NRXN3: variants seen among roughly 807,000 people sequenced by gnomAD.
NRXN3 encodes neurexin 3.
In NRXN3, 32 loss-of-function variants were observed where a neutral mutation model predicts 137.6. The ratio of observed to expected loss-of-function variants is 0.23; its 90% CI spans 0.18 to 0.31. NRXN3 has a LOEUF of 0.31. Ranked by LOEUF, NRXN3 falls within the 10% of genes least tolerant of loss-of-function variation. The pLI is 1.00. For missense variants in NRXN3, 1,574 were observed against 2,062.5 expected, an observed-to-expected ratio of 0.76 and a Z score of 4.59; for synonymous variants, 798 against 784.5, an observed-to-expected ratio of 1.02 and a Z score of -0.29.
In NRXN3 at chr14:78,264,192, C is replaced by T. The variant is rs115312730; in HGVS notation, c.710-14453C>T. Among the ~76,000 whole-genome samples the T allele has an allele frequency of 4.4e-3, 668 of 152,246 alleles. 6 individuals are homozygous for T. The highest frequency in any genetic ancestry group is 0.015 in the African/African-American group (616 of 41,548). ...GGTCACTATAGAATCTACAGCCCCT[C>T]TTGTTCAGTGAGGGGCAGAGTAAGG... On this transcript the variant is annotated intron_variant, in intron 2 of 20. Transcript: ENST00000335750.
chr14:79,560,192 A>G (rs552604139), intron 16 of NRXN3, among the ~76,000 whole-genome samples: 1 of 152,142 alleles, frequency 6.6e-6, no homozygotes, highest in African/African-American at 2.4e-5. Flanking sequence ...ATGCCTTTTC[A>G]TGTGAAAATT....
intron 15 of NRXN3, among the ~76,000 whole-genome samples, chr14:79,058,663 C>G (rs572863790): frequency 4.3e-4 from 66 of 152,112 alleles, no homozygotes; most frequent in Admixed American, 5.2e-4. Context: ...TGGTTTAACT[C>G]TGTGTCCCCA....
chr14:78,215,788 A>C (rs2063212156), intron 1 of NRXN3, among the ~76,000 whole-genome samples: 1 of 146,182 alleles, frequency 6.8e-6, no homozygotes, highest in African/African-American at 2.5e-5. Flanking sequence ...GGCAGGGGTT[A>C]GTTTGTGCAC....
chr14:78,716,081 C>A (rs1316483279), intron 8 of NRXN3, among the ~76,000 whole-genome samples: 1 of 151,948 alleles, frequency 6.6e-6, no homozygotes, highest in Non-Finnish European at 1.5e-5. Flanking sequence ...GAGAGGGGAC[C>A]AAAGAGATGA....
intron 6 of NRXN3, among the ~76,000 whole-genome samples, chr14:78,675,183 G>T (rs976041231): frequency 7.2e-5 from 11 of 152,092 alleles, no homozygotes; most frequent in African/African-American, 2.7e-4. Flanking sequence ...GGCAGAATTG[G>T]GAGGCTTTTT....
chr14:78,521,379 C>T (rs956232042), intron 4 of NRXN3, among the ~76,000 whole-genome samples: 2 of 152,146 alleles, frequency 1.3e-5, no homozygotes, highest in South Asian at 2.1e-4. Context: ...ACATTTAATG[C>T]GGGCCATTTA....
intron 15 of NRXN3, among the ~76,000 whole-genome samples, chr14:79,322,401 A>T (rs971752990): frequency 6.6e-6 from 1 of 152,190 alleles, no homozygotes; most frequent in African/African-American, 2.4e-5. Flanking sequence ...AGATCCAAAA[A>T]GTTTTTAATG....
chr14:78,199,452 A>G (rs1489705165), intron 1 of NRXN3, among the ~76,000 whole-genome samples: 1 of 152,206 alleles, frequency 6.6e-6, no homozygotes, highest in Non-Finnish European at 1.5e-5. Flanking sequence ...TCTGCCAAGT[A>G]TTACATACAC....
rs2085947640 is a variant in NRXN3, at chr14:78,366,421, A to G, written c.757+68561A>G. On this transcript the variant is annotated intron_variant, in intron 4 of 20. Transcript: ENST00000335750. ...CATTTAATAAAAAATTTGTGTTTAA[A>G]ATTAGTGCCCATCTGCTGAAAATAT... Among the ~76,000 whole-genome samples, 3 of 152,296 alleles carry G rather than the reference A, an allele frequency of 2.0e-5. No homozygotes were observed. In the South Asian group the frequency reaches 6.2e-4, roughly 32 times the overall value.
chr14:79,840,947 T>C (rs2293836), intron 20 of NRXN3, among the ~76,000 whole-genome samples: 19,607 of 152,174 alleles, frequency 0.13, 1,375 homozygotes, highest in Middle Eastern at 0.2. Context: ...CCCATATTCA[T>C]TGAGCTTTTG....
At chr14:78,700,727 C>T (rs548940866) in intron 6 of NRXN3, among the ~76,000 whole-genome samples, 2 of 152,116 alleles carry the variant, frequency 1.3e-5, no homozygotes, top group Admixed American at 1.3e-4. Flanking sequence ...ATAGACTGAG[C>T]CTTTATAGTA....
intron 4 of NRXN3, among the ~76,000 whole-genome samples, chr14:78,618,788 A>G (rs1415329396): frequency 2.0e-5 from 3 of 152,246 alleles, no homozygotes; most frequent in Non-Finnish European, 4.4e-5. Context: ...ATACCCTGTT[A>G]GTTGCAGCCA....
At chr14:79,303,104 T>C (rs1293431292) in intron 15 of NRXN3, among the ~76,000 whole-genome samples, 1 of 152,030 alleles carries the variant, frequency 6.6e-6, no homozygotes, top group Non-Finnish European at 1.5e-5. Flanking sequence ...AATGTAGGAA[T>C]CCAAACCCCC....
chr14:78,504,252 C>T (rs937478332), intron 4 of NRXN3, among the ~76,000 whole-genome samples: 2 of 152,092 alleles, frequency 1.3e-5, no homozygotes, highest in Non-Finnish European at 2.9e-5. Flanking sequence ...AGGGTGCTTG[C>T]AAAGACAGCA....
chr14:78,477,187 T>A (rs2095394691), intron 4 of NRXN3, among the ~76,000 whole-genome samples: 1 of 152,340 alleles, frequency 6.6e-6, no homozygotes, highest in African/African-American at 2.4e-5. Context: ...CCATTGCTTT[T>A]TCTGTGCTGT....
At chr14:78,318,166 G>T (rs1329848495) in intron 4 of NRXN3, among the ~76,000 whole-genome samples, 2 of 152,208 alleles carry the variant, frequency 1.3e-5, no homozygotes, top group Non-Finnish European at 2.9e-5. Flanking sequence ...GAGGGAGCTT[G>T]TGTGCCAGCA....
intron 20 of NRXN3, among the ~76,000 whole-genome samples, chr14:79,855,744 CATT>C (rs924297265): frequency 7.9e-5 from 12 of 152,108 alleles, no homozygotes; most frequent in African/African-American, 2.9e-4. Context: ...GAAATAATAA[CATT>C]AGTAACTAGC....
chr14:79,721,971 T>C (rs1603449860), intron 19 of NRXN3, among the ~76,000 whole-genome samples: 2 of 152,228 alleles, frequency 1.3e-5, no homozygotes, highest in Admixed American at 1.3e-4. Context: ...TCATGTTTAG[T>C]TCAGCGAGAA....
At chr14:78,367,755 T>G (rs1238893488) in intron 4 of NRXN3, among the ~76,000 whole-genome samples, 2 of 152,222 alleles carry the variant, frequency 1.3e-5, no homozygotes, top group Admixed American at 6.5e-5. Flanking sequence ...TTTCTGAATC[T>G]GATTCTGATT....
Sources: gnomAD v4.1 joint callset for allele counts (sites outside exome capture counted in the v4.1 genomes callset) on GRCh38, gnomAD v4.1.1 for gene constraint, MANE v1.5 for transcripts, NCBI Gene and HGNC (gene_info 2026-07-23, HGNC 2026-07-21) for gene names.